The following HECTD2 variants were observed in gnomAD, a reference collection of about 807,000 sequenced individuals.
The protein encoded by HECTD2 is HECT domain E3 ubiquitin protein ligase 2, also known as probable E3 ubiquitin-protein ligase HECTD2.
HECTD2 carries 35 observed loss-of-function variants against 103.2 expected under a neutral mutation model. That is an observed-to-expected ratio of 0.34 (90% CI 0.26 to 0.45). HECTD2 has a LOEUF of 0.45. Ranked by LOEUF, HECTD2 falls within the 20% of genes least tolerant of loss-of-function variation. The probability of loss-of-function intolerance (pLI) is 1.00; values close to 1 mark genes in which losing one functional copy is unlikely to be tolerated. For missense variants in HECTD2, 596 were observed against 937.4 expected (o/e 0.64, Z 4.76); for synonymous variants, 281 against 329.9 (o/e 0.85, Z 1.61).
intron 2 of HECTD2, 94 bp from the exon 3 acceptor site, chr10:91,460,333 A>G (rs1383771633): frequency 1.8e-6 from 2 of 1,086,138 alleles, no homozygotes; most frequent in East Asian, 2.5e-5. Context: ...AAAATAATTC[A>G]TTTGTTTTCT....
In HECTD2 at chr10:91,478,205, A is replaced by C. The variant is rs1039263555; in HGVS notation, c.605A>C (p.Gln202Pro). 6 of 1,607,590 alleles carry C rather than the reference A, an allele frequency of 3.7e-6. No individual in the cohort carries two copies. In the African/African-American group the frequency reaches 8.0e-5, roughly 21 times the overall value. The change falls in exon 6 of 21, where the codon CAA becomes CCA. Residue 202 changes from glutamine (Q) to proline (P), a missense_variant. Transcript: ENST00000298068. ...ACTGTTTTCTTTTGCCTACAGCCTC[A>C]AGACGTTCAGAAGACAGTATTAAAG... ...AVYDTLLNTP[Q>P]DVQKTVLKGI... is the part of the protein sequence containing the mutation.
intron 2 of HECTD2, among the ~76,000 whole-genome samples, chr10:91,428,921 C>T (rs192996723): frequency 3.0e-4 from 45 of 151,038 alleles, no homozygotes; most frequent in Non-Finnish European, 5.9e-4. Context: ...TATGTTGAAT[C>T]GGAGTGGTGA....
intron 18 of HECTD2, 71 bp downstream of exon 18, chr10:91,499,221 A>G (rs940636179): frequency 2.4e-6 from 2 of 825,518 alleles, no homozygotes; most frequent in Admixed American, 4.9e-5. Flanking sequence ...AATAATTAAT[A>G]AATATTTTAG....
At chr10:91,493,324 T>G in intron 13 of HECTD2, 96 bp from the exon 14 acceptor site, 2 of 521,588 alleles carry the variant, frequency 3.8e-6, no homozygotes, top group Non-Finnish European at 3.2e-6. Flanking sequence ...TTGAATTGAT[T>G]AGCTTCTAAT....
Position 91,410,591 on chromosome 10 carries a change from G to A in HECTD2, c.138+15G>A. ...GCGCGACCGCGGTAGGTGGTGGGCC[G>A]GGGCCGTCTGGCGCCCCGGACGGCG... On this transcript the variant is annotated intron_variant, in intron 1 of 20. Coordinates refer to ENST00000298068, the MANE Select transcript of HECTD2 (RefSeq NM_182765.6). 3.2e-6 allele frequency: 4 copies of A among 1,242,790 alleles called. No homozygotes were observed. Among genetic ancestry groups the A allele is most frequent in the Middle Eastern group, 2.6e-4 (1 of 3,792 alleles). The allele number at this position is 1,242,790 out of a possible 1,614,324, so 77.0% of individuals were successfully genotyped here.
At chr10:91,423,568 G>A (rs893642544) in intron 1 of HECTD2, among the ~76,000 whole-genome samples, 1 of 152,040 alleles carries the variant, frequency 6.6e-6, no homozygotes, top group Non-Finnish European at 1.5e-5. Context: ...TGTCCCTCAG[G>A]TTCCCATGTA....
At chr10:91,488,523 G>A (rs1846348127) in intron 11 of HECTD2, 1 of 152,088 alleles carries the variant, frequency 6.6e-6, no homozygotes, top group South Asian at 2.1e-4. Flanking sequence ...TGTGTTACAT[G>A]ATTGCTCACA....
At chr10:91,413,523 A>G (rs1473139948) in intron 1 of HECTD2, among the ~76,000 whole-genome samples, 1 of 152,234 alleles carries the variant, frequency 6.6e-6, no homozygotes, top group East Asian at 1.9e-4. Flanking sequence ...CAAATGCAGT[A>G]TTGTTAAATC....
rs1473680981 is a variant in HECTD2 at position 91,500,625 on chromosome 10, C to T, written c.2066+8C>T. On this transcript the variant is annotated splice_region_variant and intron_variant, in intron 19 of 20. Coordinates refer to ENST00000298068, the MANE Select transcript of HECTD2 (RefSeq NM_182765.6). ...AACGGACTTAACTATAAAGTGAGCT[C>T]TTTATACTTCTGATAGTGGGGGATG... is the stretch of plus-strand genomic sequence containing the variant. The T allele has an allele frequency of 1.6e-6, 2 of 1,287,780 alleles. No homozygotes were observed. The highest frequency in any genetic ancestry group is 3.4e-5 in the Admixed American group (2 of 59,482). The allele number at this position is 1,287,780 out of a possible 1,614,324, so 79.8% of individuals were successfully genotyped here.
chr10:91,490,016 T>G (rs1457803885), intron 11 of HECTD2: 1 of 152,198 alleles, frequency 6.6e-6, no homozygotes, highest in African/African-American at 2.4e-5. Context: ...GACATATTCC[T>G]TATAGATATT....
chr10:91,487,825 GTAAATAATTTAA>G lies in HECTD2; in HGVS notation c.1191+60_1191+71del, dbSNP rs759835696. On this transcript the variant is annotated intron_variant, in intron 11 of 20. Transcript: ENST00000298068. The surrounding 1 kb of genome is among the most constrained non-coding windows in gnomAD (Gnocchi z 4.1). The stretch of plus-strand genomic sequence containing the variant: ...ATTTATGCTGACTATAATCAGTATA[GTAAATAATTTAA>G]TAAATAATTTAAATGTCTTGTGAAT... 6.0e-6 allele frequency: 6 copies of G among 1,003,000 alleles called. No individual in the cohort carries two copies. Among genetic ancestry groups the G allele is most frequent in the African/African-American group, 1.6e-5 (1 of 61,098 alleles). 62.1% of individuals were successfully genotyped at this position (1,003,000 alleles called of 1,614,324 possible). A position where few individuals can be genotyped will look rare whatever the true frequency, so the allele number is the denominator to read the frequency against.
At chr10:91,505,480 C>T (rs1046051040) in intron 20 of HECTD2, among the ~76,000 whole-genome samples, 1 of 151,670 alleles carries the variant, frequency 6.6e-6, no homozygotes, top group African/African-American at 2.4e-5. Context: ...ATCCTAGTCT[C>T]TGATAAAACA....
intron 6 of HECTD2, among the ~76,000 whole-genome samples, chr10:91,479,428 T>C (rs1178721164): frequency 1.3e-5 from 2 of 152,212 alleles, no homozygotes; most frequent in Admixed American, 6.5e-5. Flanking sequence ...CTAGTCATCT[T>C]TTAAAAACAA....
Position 91,512,407 on chromosome 10 carries a change from C to A in HECTD2, c.*23C>A, listed in dbSNP as rs377652955. ...TAACCTAGAAGACTTGAAATATAAT[C>A]TTTTATATGTAGCATTCACTTCCCT... On this transcript the variant is annotated 3_prime_UTR_variant, in exon 21 of 21. Transcript: ENST00000298068. The A allele has an allele frequency of 5.4e-5, 86 of 1,599,718 alleles. No individual in the cohort carries two copies. The highest frequency in any genetic ancestry group is 6.8e-5 in the Non-Finnish European group (79 of 1,168,326).
chr10:91,504,670 C>T (rs377527773), intron 20 of HECTD2, among the ~76,000 whole-genome samples: 17,928 of 150,030 alleles, frequency 0.12, 1,956 homozygotes, highest in African/African-American at 0.34. Context: ...CTGAAAGTGA[C>T]GGGGAGAATG....
chr10:91,429,629 T>A (rs1192792713), intron 2 of HECTD2, among the ~76,000 whole-genome samples: 1 of 152,184 alleles, frequency 6.6e-6, no homozygotes, highest in African/African-American at 2.4e-5. Flanking sequence ...GTCGAGGAAT[T>A]TATCCATTTC....
At chr10:91,450,892 T>C (rs755655747) in intron 2 of HECTD2, among the ~76,000 whole-genome samples, 3 of 152,112 alleles carry the variant, frequency 2.0e-5, no homozygotes, top group Non-Finnish European at 4.4e-5. Context: ...TGTGGAGAAA[T>C]AGGAATGCTT....
intron 2 of HECTD2, among the ~76,000 whole-genome samples, chr10:91,454,185 C>T (rs1844966879): frequency 6.6e-6 from 1 of 152,072 alleles, no homozygotes; most frequent in African/African-American, 2.4e-5. Context: ...CAACCAACAG[C>T]ACATTTACAG....
At chr10:91,438,764 G>A (rs1040736497) in intron 2 of HECTD2, among the ~76,000 whole-genome samples, 9 of 152,014 alleles carry the variant, frequency 5.9e-5, no homozygotes, top group Non-Finnish European at 7.4e-5. Flanking sequence ...TTTACTGATC[G>A]CCATTCTAAC....
Sources: gnomAD v4.1 joint callset for allele counts (sites outside exome capture counted in the v4.1 genomes callset) on GRCh38, gnomAD v4.1.1 for gene constraint, Gnocchi (gnomAD v3.1) non-coding constraint, MANE v1.5 for transcripts, NCBI Gene and HGNC (gene_info 2026-07-23, HGNC 2026-07-21) for gene names.